UGT2A1: variants seen among roughly 807,000 people sequenced by gnomAD.
UGT2A1 encodes UDP-glucuronosyltransferase 2A1.
In UGT2A1, 61 loss-of-function variants were observed where a neutral mutation model predicts 45.4. The observed-to-expected ratio is 1.34, with a 90% CI of 1.09 to 1.66. The LOEUF is 1.66. UGT2A1 is among the 40% of genes most tolerant of loss of function. UGT2A1 has a pLI of 0.00. For missense variants in UGT2A1, 649 were observed against 574.3 expected, an observed-to-expected ratio of 1.13 and a Z score of -1.33; for synonymous variants, 229 against 196.2, an observed-to-expected ratio of 1.17 and a Z score of -1.40.
At position 69,589,442 on chromosome 4, in the gene UGT2A1, A is replaced by C; in HGVS notation, c.1514T>G (p.Leu505Trp). The part of the protein sequence containing the change: ...LLVCVTTAIF[L>W]VIQCCLFSCQ... ...GGAAAACAAACAACATTGTATGACC[A>C]AAAATATAGCCGTTGTCACACAGAC... Residue 505 changes from leucine (L) to tryptophan (W), a missense_variant, in exon 7 of 7, where the codon TTG (leucine) becomes TGG (tryptophan). Coordinates refer to ENST00000286604, the MANE Select transcript of UGT2A1 (RefSeq NM_001252275.3). The C allele has an allele frequency of 6.2e-7, 1 of 1,614,086 alleles. No individual in the cohort carries two copies. The highest frequency in any genetic ancestry group is 8.5e-7 in the Non-Finnish European group (1 of 1,179,996).
At chr4:69,598,921 A>G (rs932694395) in intron 4 of UGT2A1, among the ~76,000 whole-genome samples, 4 of 152,120 alleles carry the variant, frequency 2.6e-5, no homozygotes, top group African/African-American at 9.7e-5. Flanking sequence ...TCATAATGCT[A>G]TGTGGCTTGG....
At chr4:69,593,503 A>T (rs761291353) in intron 6 of UGT2A1, among the ~76,000 whole-genome samples, 9 of 151,506 alleles carry the variant, frequency 5.9e-5, no homozygotes, top group Admixed American at 3.3e-4. Context: ...TTTCAGAGAA[A>T]AAAATAAGAC....
chr4:69,632,569 A>T (rs1205718138), intron 3 of UGT2A1, among the ~76,000 whole-genome samples: 2 of 152,260 alleles, frequency 1.3e-5, no homozygotes, highest in Middle Eastern at 3.4e-3. Context: ...TAAATATGGA[A>T]ATCATCCTTA....
At chr4:69,606,592 G>T (rs528609591) in intron 3 of UGT2A1, among the ~76,000 whole-genome samples, 1 of 136,240 alleles carries the variant, frequency 7.3e-6, no homozygotes, top group African/African-American at 3.0e-5. Flanking sequence ...GCAGGAGAAG[G>T]AAATAAAGGG....
At chr4:69,596,270 G>C in intron 4 of UGT2A1, 1 of 1,600,312 alleles carries the variant, frequency 6.2e-7, no homozygotes, top group Non-Finnish European at 8.5e-7. Context: ...ATCTGGGCAA[G>C]GGCTGAGGCA....
chr4:69,633,685 G>A (rs912438569), intron 3 of UGT2A1, among the ~76,000 whole-genome samples: 2 of 152,078 alleles, frequency 1.3e-5, no homozygotes, highest in African/African-American at 4.8e-5. Flanking sequence ...ATCAAAATAA[G>A]CAAGATACAA....
chr4:69,635,006 G>A (rs190746056), intron 3 of UGT2A1, among the ~76,000 whole-genome samples: 117 of 152,078 alleles, frequency 7.7e-4, no homozygotes, highest in Non-Finnish European at 1.3e-3. Flanking sequence ...ATGCTTGAGG[G>A]GATGGATACC....
intron 3 of UGT2A1, among the ~76,000 whole-genome samples, chr4:69,625,868 A>G (rs1358406246): frequency 6.6e-6 from 1 of 151,560 alleles, no homozygotes; most frequent in Non-Finnish European, 1.5e-5. Context: ...ACAAAATTCA[A>G]TAGCATTCTT....
At position 69,646,941 on chromosome 4, in the gene UGT2A1, C is replaced by T. The variant is rs1421782149; in HGVS notation, c.704G>A (p.Ser235Asn). Residue 235 changes from serine (S) to asparagine (N), a missense_variant, in exon 2 of 7, where the codon AGT (serine) becomes AAT (asparagine). Physicochemically the swap from Ser to Asn is conservative, Grantham distance 46. Coordinates refer to ENST00000286604, the MANE Select transcript of UGT2A1 (RefSeq NM_001252275.3). Reference protein sequence around the residue: ...TLWKSWDSYYSKALGGLLLCC... With the variant: ...TLWKSWDSYYNKALGGLLLCC... ...AATTTGTTACATACCTAAAGCTTTACTATAGTATGAATCCCATGATTTCCA... is the reference window on the plus strand; with the variant it reads ...AATTTGTTACATACCTAAAGCTTTATTATAGTATGAATCCCATGATTTCCA... The T allele has an allele frequency of 6.3e-7, 1 of 1,584,326 alleles. No individual in the cohort carries two copies. The highest frequency in any genetic ancestry group is 1.4e-5 in the African/African-American group (1 of 73,846).
At chr4:69,652,789 A>C (rs1222738080) in intron 1 of UGT2A1, among the ~76,000 whole-genome samples, 1 of 152,180 alleles carries the variant, frequency 6.6e-6, no homozygotes. Flanking sequence ...ACTTGTGTAC[A>C]TTATTCTTGT....
intron 3 of UGT2A1, among the ~76,000 whole-genome samples, chr4:69,614,826 C>A (rs183059895): frequency 1.3e-5 from 2 of 151,974 alleles, no homozygotes; most frequent in East Asian, 3.9e-4. Flanking sequence ...AACTATCTGA[C>A]ACTGTAGTTT....
At chr4:69,591,571 C>T (rs975758743) in intron 6 of UGT2A1, among the ~76,000 whole-genome samples, 1 of 152,108 alleles carries the variant, frequency 6.6e-6, no homozygotes, top group African/African-American at 2.4e-5. Context: ...TGTGTTGATG[C>T]TAATGCCAGA....
intron 6 of UGT2A1, among the ~76,000 whole-genome samples, chr4:69,591,939 TG>T (rs1718616657): frequency 3.9e-5 from 6 of 152,190 alleles, no homozygotes; most frequent in African/African-American, 1.4e-4. Flanking sequence ...TCATGAATTA[TG>T]ATTTCTAAAA....
intron 3 of UGT2A1, among the ~76,000 whole-genome samples, chr4:69,634,887 T>G (rs2109961573): frequency 6.6e-6 from 1 of 152,282 alleles, no homozygotes; most frequent in Middle Eastern, 3.4e-3. Context: ...CATTTTTATC[T>G]TATATTGTGC....
chr4:69,633,188 A>G (rs1721480899), intron 3 of UGT2A1, among the ~76,000 whole-genome samples: 1 of 152,204 alleles, frequency 6.6e-6, no homozygotes, highest in South Asian at 2.1e-4. Context: ...AGTTACACAC[A>G]TACACATTTG....
chr4:69,601,885 A>G (rs1369268131), intron 3 of UGT2A1, among the ~76,000 whole-genome samples: 1 of 136,354 alleles, frequency 7.3e-6, no homozygotes, highest in Non-Finnish European at 1.6e-5. Context: ...GCCCTCAGAG[A>G]CTCTTACTCT....
At chr4:69,608,451 G>A (rs6831951) in intron 3 of UGT2A1, among the ~76,000 whole-genome samples, 58,352 of 148,828 alleles carry the variant, frequency 0.39, 11,891 homozygotes, top group African/African-American at 0.47. Context: ...GGATAGCGTT[G>A]GGAAATATAC....
chr4:69,592,221 A>T (rs1245165272), intron 6 of UGT2A1, among the ~76,000 whole-genome samples: 1 of 152,194 alleles, frequency 6.6e-6, no homozygotes, highest in Non-Finnish European at 1.5e-5. Context: ...CTCAGCCTTC[A>T]GGAAAAGTGA....
chr4:69,633,753 C>T (rs1483251456), intron 3 of UGT2A1, among the ~76,000 whole-genome samples: 1 of 152,002 alleles, frequency 6.6e-6, no homozygotes, highest in Non-Finnish European at 1.5e-5. Flanking sequence ...AAAATTGATC[C>T]ATGGTTTCAG....
Sources: allele counts gnomAD v4.1 joint callset (sites outside exome capture counted in the v4.1 genomes callset), GRCh38; gene constraint gnomAD v4.1.1; transcripts MANE v1.5; gene names NCBI Gene and HGNC (gene_info 2026-07-23, HGNC 2026-07-21).